PPP1CC: variants seen among roughly 807,000 people sequenced by gnomAD.
PPP1CC encodes the protein serine/threonine-protein phosphatase PP1-gamma catalytic subunit.
In PPP1CC, 16 loss-of-function variants were observed where a neutral mutation model predicts 38.4. That is an observed-to-expected ratio of 0.42 (90% CI 0.28 to 0.63). PPP1CC has a LOEUF of 0.63. Among genes scored for constraint, PPP1CC ranks in the 30% least tolerant of loss-of-function variants. PPP1CC has a pLI of 0.25. For synonymous variants in PPP1CC, 158 were observed against 136.0 expected (o/e 1.16, Z -1.13); for missense variants, 170 against 391.3 (o/e 0.43, Z 4.77).
In PPP1CC at chr12:110,721,111, G is replaced by A; in HGVS notation, c.937C>T (p.Pro313Ser). Residue 313 changes from proline to serine, a missense_variant, in exon 7 of 7, where the codon CCA becomes TCA. Pro to Ser is a moderately conservative substitution (Grantham distance 74). Coordinates refer to ENST00000335007, the MANE Select transcript of PPP1CC (RefSeq NM_002710.4). ...KPNATRPVTP[P>S]RGMITKQAKK Reference sequence around the variant, plus strand: ...GCTTGCTTTGTGATCATACCCCTTGGAGGCGTTACAGGTCTCGTGGCATTT... The same window carrying A: ...GCTTGCTTTGTGATCATACCCCTTGAAGGCGTTACAGGTCTCGTGGCATTT... The A allele has an allele frequency of 6.2e-7, 1 of 1,613,888 alleles. No homozygotes were observed. Among genetic ancestry groups the A allele is most frequent in the Non-Finnish European group, 8.5e-7 (1 of 1,179,822 alleles).
At chr12:110,742,064 T>C (rs763045754) in intron 1 of PPP1CC, among the ~76,000 whole-genome samples, 3 of 151,948 alleles carry the variant, frequency 2.0e-5, no homozygotes, top group South Asian at 4.2e-4. Context: ...TAAAAGGATT[T>C]GGAGGGCAGG....
At chr12:110,727,276 C>T (rs1052461902) in intron 3 of PPP1CC, among the ~76,000 whole-genome samples, 1 of 152,200 alleles carries the variant, frequency 6.6e-6, no homozygotes, top group African/African-American at 2.4e-5. Context: ...ATGCCACATA[C>T]TCCAGCTTCT....
chr12:110,727,871 T>G (rs1415400263), intron 3 of PPP1CC, among the ~76,000 whole-genome samples: 1 of 152,182 alleles, frequency 6.6e-6, no homozygotes, highest in Non-Finnish European at 1.5e-5. Flanking sequence ...AGCTTGAGCA[T>G]AAGATCTACA....
intron 1 of PPP1CC, among the ~76,000 whole-genome samples, chr12:110,735,312 G>T (rs1408133034): frequency 6.6e-6 from 1 of 152,050 alleles, no homozygotes; most frequent in East Asian, 1.9e-4. Flanking sequence ...TGTACTAAGG[G>T]CTTTATATTG....
intron 2 of PPP1CC, among the ~76,000 whole-genome samples, chr12:110,731,454 T>G (rs2069871240): frequency 6.6e-6 from 1 of 152,090 alleles, no homozygotes; most frequent in South Asian, 2.1e-4. Flanking sequence ...CAGTGTTGCT[T>G]TAAACTTAAA....
intron 1 of PPP1CC, chr12:110,732,516 T>C (rs1382012064): frequency 6.6e-6 from 1 of 152,378 alleles, no homozygotes; most frequent in East Asian, 1.9e-4. Flanking sequence ...GGATCTCTGA[T>C]TTAATTTACC....
At chr12:110,733,307 C>T (rs1343156343) in intron 1 of PPP1CC, among the ~76,000 whole-genome samples, 2 of 152,148 alleles carry the variant, frequency 1.3e-5, no homozygotes, top group Non-Finnish European at 2.9e-5. Flanking sequence ...CTGGTTTCAA[C>T]GTGAATTTTT....
intron 1 of PPP1CC, chr12:110,734,780 G>T (rs559190919): frequency 6.5e-6 from 1 of 153,548 alleles, no homozygotes; most frequent in South Asian, 2.1e-4. Context: ...ATTTCACGTT[G>T]AATTGTCTAA....
At chr12:110,736,227 T>C (rs950356587) in intron 1 of PPP1CC, among the ~76,000 whole-genome samples, 4 of 152,248 alleles carry the variant, frequency 2.6e-5, no homozygotes, top group African/African-American at 7.2e-5. Context: ...TTATTACTGT[T>C]AAAAGCGAAG....
intron 1 of PPP1CC, among the ~76,000 whole-genome samples, chr12:110,737,372 A>G (rs1200702503): frequency 1.3e-5 from 2 of 151,072 alleles, no homozygotes; most frequent in Non-Finnish European, 2.9e-5. Flanking sequence ...CAGCTACTCA[A>G]CAACTGAGGC....
At position 110,742,810 on chromosome 12, in the gene PPP1CC, G is replaced by T; in HGVS notation, c.-103C>A. The T allele has an allele frequency of 1.0e-6, 1 of 984,974 alleles. No individual in the cohort carries two copies. Among genetic ancestry groups the T allele is most frequent in the Non-Finnish European group, 1.3e-6 (1 of 742,566 alleles). 61.0% of individuals were successfully genotyped at this position (984,974 alleles called of 1,614,324 possible). The stretch of plus-strand genomic sequence containing the variant: ...CACGAGCAGAGGCGGTGGTGGCGGC[G>T]GTGGCAGCAGCCGCGGCGGGTCCCC... On this transcript the variant is annotated 5_prime_UTR_variant, in exon 1 of 7. Coordinates refer to ENST00000335007, the MANE Select transcript of PPP1CC (RefSeq NM_002710.4).
intron 2 of PPP1CC, among the ~76,000 whole-genome samples, chr12:110,731,282 T>C (rs2136554712): frequency 6.8e-6 from 1 of 147,284 alleles, no homozygotes; most frequent in African/African-American, 2.5e-5. Flanking sequence ...TTTAAAAACA[T>C]GAACACAAAG....
At chr12:110,719,022 T>C (rs1593569754), downstream of PPP1CC, among the ~76,000 whole-genome samples, 1 of 152,126 alleles carries the variant, frequency 6.6e-6, no homozygotes, top group African/African-American at 2.4e-5. Flanking sequence ...AATAATGATA[T>C]AATCCTAGTA....
chr12:110,717,469 C>A (rs982964966), downstream of PPP1CC, among the ~76,000 whole-genome samples: 2 of 152,184 alleles, frequency 1.3e-5, no homozygotes, highest in African/African-American at 2.4e-5. Context: ...TCTCGGCTCA[C>A]TGCAAGCTCC....
chr12:110,725,226 T>C (rs1212782024), intron 3 of PPP1CC: 2 of 152,808 alleles, frequency 1.3e-5, no homozygotes, highest in African/African-American at 4.8e-5. Context: ...CCAGGAATTA[T>C]CTGGGAGCAT....
chr12:110,741,629 C>T (rs1013441149), intron 1 of PPP1CC, among the ~76,000 whole-genome samples: 1 of 152,178 alleles, frequency 6.6e-6, no homozygotes, highest in Non-Finnish European at 1.5e-5. Flanking sequence ...TTAAAGCTTT[C>T]TATTAACCTT....
intron 1 of PPP1CC, among the ~76,000 whole-genome samples, chr12:110,738,873 C>G (rs1248588939): frequency 2.6e-5 from 4 of 152,206 alleles, no homozygotes; most frequent in Non-Finnish European, 5.9e-5. Flanking sequence ...TCCAACAGAG[C>G]TTTCCCACCT....
chr12:110,733,537 T>G (rs7967363), intron 1 of PPP1CC, among the ~76,000 whole-genome samples: 10,011 of 152,310 alleles, frequency 0.066, 505 homozygotes, highest in African/African-American at 0.14. Flanking sequence ...TATATTTGTT[T>G]TAACTCCTTT....
At chr12:110,727,063 G>A (rs1045178389) in intron 3 of PPP1CC, among the ~76,000 whole-genome samples, 1 of 152,138 alleles carries the variant, frequency 6.6e-6, no homozygotes, top group Admixed American at 6.5e-5. Context: ...TCAATCTCCT[G>A]AGTGTCCGCG....
Sources: gnomAD v4.1 joint callset for allele counts (sites outside exome capture counted in the v4.1 genomes callset) on GRCh38, gnomAD v4.1.1 for gene constraint, MANE v1.5 for transcripts, NCBI Gene and HGNC (gene_info 2026-07-23, HGNC 2026-07-21) for gene names.